Variants in ZNF678 observed in about 807,000 individuals in gnomAD.
ZNF678 encodes the protein hypothetical protein MGC42493.
In ZNF678, 5 loss-of-function variants were observed where a neutral mutation model predicts 3.0. The observed-to-expected ratio is 1.69, with a 90% confidence interval of 0.88 to 3.56. The LOEUF is 3.56. Ranked by LOEUF, ZNF678 falls within the 30% of genes most tolerant of loss-of-function variation. The pLI, the probability that ZNF678 is intolerant of heterozygous loss-of-function variation, is 0.00. For synonymous variants in ZNF678, 218 were observed against 199.6 expected, an observed-to-expected ratio of 1.09 and a Z score of -0.78; for missense variants, 593 against 605.0, an observed-to-expected ratio of 0.98 and a Z score of 0.21.
At chr1:227,595,028 C>T (rs556087832) in intron 1 of ZNF678, among the ~76,000 whole-genome samples, 75 of 152,124 alleles carry the variant, frequency 4.9e-4, no homozygotes, top group Non-Finnish European at 1.0e-3. Flanking sequence ...TCAGTGCTTT[C>T]GGGATACGCC....
At chr1:227,572,488 A>G (rs144158401) in intron 1 of ZNF678, among the ~76,000 whole-genome samples, 158 of 152,324 alleles carry the variant, frequency 1.0e-3, no homozygotes, top group Admixed American at 3.4e-3. Context: ...CAGAAATGCA[A>G]TTGTAGCAAA....
At chr1:227,668,966 A>C (rs1002893737) in intron 5 of ZNF678, among the ~76,000 whole-genome samples, 2 of 152,194 alleles carry the variant, frequency 1.3e-5, no homozygotes, top group Non-Finnish European at 2.9e-5. Flanking sequence ...TCCTGAAAGC[A>C]AACCTAGAAT....
chr1:227,674,594 CTTTTTTTTTTTT>C (rs59416359), intron 5 of ZNF678, among the ~76,000 whole-genome samples: 1 of 105,948 alleles, frequency 9.4e-6, no homozygotes, highest in African/African-American at 3.6e-5. Flanking sequence ...TATAATTTTT[CTTTTTTTTTTTT>C]TCTTTTTTTT....
At position 227,661,829 on chromosome 1, in the gene ZNF678, G is replaced by A. The variant is rs1157201065; in HGVS notation, c.*6001G>A. The A allele has an allele frequency of 3.9e-5, 6 of 152,242 alleles. No individual in the cohort carries two copies. Among genetic ancestry groups the A allele is most frequent in the Admixed American group, 1.3e-4 (2 of 15,278 alleles). The allele number at this position is 152,242 out of a possible 1,614,324, so 9.4% of individuals were successfully genotyped here. ...AATGGTGAAGGAAAAGATGGTCCCA[G>A]CCTGCAAAGCTGAAGTCAGGAACCC... On this transcript the variant is annotated 3_prime_UTR_variant, in exon 4 of 4. Transcript: ENST00000343776.
intron 1 of ZNF678, among the ~76,000 whole-genome samples, chr1:227,604,835 C>T (rs938294642): frequency 6.6e-6 from 1 of 151,840 alleles, no homozygotes; most frequent in African/African-American, 2.4e-5. Flanking sequence ...TTTTTATTAC[C>T]TTCTTTTTCA....
chr1:227,671,812 A>G (rs1006229343), intron 5 of ZNF678, among the ~76,000 whole-genome samples: 3 of 152,234 alleles, frequency 2.0e-5, no homozygotes, highest in Non-Finnish European at 4.4e-5. Context: ...CATAAAGGTG[A>G]ATTTGATGTA....
intron 1 of ZNF678, among the ~76,000 whole-genome samples, chr1:227,627,569 T>G (rs1658448525): frequency 6.6e-6 from 1 of 152,222 alleles, no homozygotes; most frequent in African/African-American, 2.4e-5. Flanking sequence ...TCCTAATGGC[T>G]TCCTGATGTT....
downstream of ZNF678, among the ~76,000 whole-genome samples, chr1:227,664,963 T>C (rs1247425846): frequency 1.3e-5 from 2 of 152,192 alleles, no homozygotes; most frequent in Non-Finnish European, 2.9e-5. Flanking sequence ...GTGACACAGC[T>C]GGATCAGAAC....
At chr1:227,633,282 A>G (rs2093609) in intron 1 of ZNF678, among the ~76,000 whole-genome samples, 73,084 of 152,022 alleles carry the variant, frequency 0.48, 18,747 homozygotes, top group African/African-American at 0.67. Flanking sequence ...ACAACGGGAG[A>G]AGACCCAAAG....
intron 5 of ZNF678, among the ~76,000 whole-genome samples, chr1:227,674,906 A>G (rs1659656104): frequency 6.6e-6 from 1 of 152,154 alleles, no homozygotes; most frequent in Non-Finnish European, 1.5e-5. Context: ...TTCTATTTCT[A>G]TCTACAATTG....
At chr1:227,587,238 G>A (rs901058999) in intron 1 of ZNF678, among the ~76,000 whole-genome samples, 29 of 144,608 alleles carry the variant, frequency 2.0e-4, no homozygotes, top group African/African-American at 7.8e-4. Flanking sequence ...TTTGGCTAGA[G>A]AGAGCATGTT....
chr1:227,660,304 TTAAA>T lies in ZNF678; in HGVS notation c.*4479_*4482del, dbSNP rs1571923093. 1.3e-5 allele frequency: 2 copies of T among 151,778 alleles called. No individual in the cohort carries two copies. Among genetic ancestry groups the T allele is most frequent in the Admixed American group, 6.6e-5 (1 of 15,222 alleles). 9.4% of individuals were successfully genotyped at this position (151,778 alleles called of 1,614,324 possible). On this transcript the variant is annotated 3_prime_UTR_variant, in exon 4 of 4. Transcript: ENST00000343776. The stretch of plus-strand genomic sequence containing the variant: ...TATTGATATTTTGATAGACATTATG[TTAAA>T]TATATACATCATTTTGTGTAACATA...
At chr1:227,574,787 T>G (rs981256103) in intron 1 of ZNF678, among the ~76,000 whole-genome samples, 1 of 152,196 alleles carries the variant, frequency 6.6e-6, no homozygotes, top group Non-Finnish European at 1.5e-5. Context: ...GTTTTTATAG[T>G]TTTGGGTTTT....
intron 1 of ZNF678, among the ~76,000 whole-genome samples, chr1:227,570,973 A>G (rs906228674): frequency 1.3e-5 from 2 of 152,162 alleles, no homozygotes; most frequent in Admixed American, 6.5e-5. Flanking sequence ...CCAAACTATA[A>G]TATAGTTTAT....
At chr1:227,575,570 T>A (rs2102721117) in intron 1 of ZNF678, among the ~76,000 whole-genome samples, 1 of 152,300 alleles carries the variant, frequency 6.6e-6, no homozygotes, top group African/African-American at 2.4e-5. Flanking sequence ...ATGGCAATGT[T>A]AGTTATATTC....
chr1:227,675,821 C>T (rs1374097948), intron 5 of ZNF678, among the ~76,000 whole-genome samples: 1 of 151,934 alleles, frequency 6.6e-6, no homozygotes, highest in Non-Finnish European at 1.5e-5. Flanking sequence ...TCTCAGGATT[C>T]AAAAAACAAA....
chr1:227,642,896 T>C (rs1213038749), intron 1 of ZNF678, among the ~76,000 whole-genome samples: 1 of 152,178 alleles, frequency 6.6e-6, no homozygotes, highest in African/African-American at 2.4e-5. Context: ...GATCTGGAGA[T>C]GCAAACTAAT....
intron 1 of ZNF678, among the ~76,000 whole-genome samples, chr1:227,642,218 C>T (rs1045113001): frequency 3.3e-5 from 5 of 152,204 alleles, no homozygotes; most frequent in Admixed American, 6.5e-5. Context: ...GAGACATCTA[C>T]CGTGTGAGAC....
intron 1 of ZNF678, among the ~76,000 whole-genome samples, chr1:227,631,304 C>G (rs976074329): frequency 6.6e-6 from 1 of 152,182 alleles, no homozygotes; most frequent in East Asian, 1.9e-4. Flanking sequence ...ATATAACAGT[C>G]CTGCACCCAT....
Sources: allele counts gnomAD v4.1 joint callset (sites outside exome capture counted in the v4.1 genomes callset), GRCh38; gene constraint gnomAD v4.1.1; transcripts MANE v1.5; gene names NCBI Gene and HGNC (gene_info 2026-07-23, HGNC 2026-07-21).